The following SCNN1B variants were observed in gnomAD, a reference collection of about 807,000 sequenced individuals.
The protein encoded by SCNN1B is sodium channel epithelial 1 subunit beta, also known as epithelial sodium channel subunit beta.
In SCNN1B, 46 loss-of-function variants were observed where a neutral mutation model predicts 65.3. That is an observed-to-expected ratio of 0.70 (90% CI 0.56 to 0.90). The LOEUF is 0.90. SCNN1B is among the 40% of genes least tolerant of loss of function. The pLI is 0.00. For missense variants in SCNN1B, 751 were observed against 830.5 expected (o/e 0.90, Z 1.18); for synonymous variants, 349 against 330.6 (o/e 1.06, Z -0.60).
intron 2 of SCNN1B, among the ~76,000 whole-genome samples, chr16:23,349,149 C>G (rs1479655405): frequency 6.6e-6 from 1 of 151,284 alleles, no homozygotes; most frequent in Non-Finnish European, 1.5e-5. Context: ...CTCTGTCTTT[C>G]CATTTGCCTT....
intron 4 of SCNN1B, among the ~76,000 whole-genome samples, chr16:23,363,503 G>A (rs572727297): frequency 6.6e-6 from 1 of 152,308 alleles, no homozygotes; most frequent in South Asian, 2.1e-4. Flanking sequence ...ACAGCTAAGT[G>A]AGCAATTAAA....
intron 2 of SCNN1B, among the ~76,000 whole-genome samples, chr16:23,296,926 G>C (rs1043397558): frequency 6.6e-6 from 1 of 150,388 alleles, no homozygotes; most frequent in African/African-American, 2.5e-5. Context: ...GGCAGAGGTT[G>C]CAGTGAGCCC....
chr16:23,289,473 C>T (rs1960893201), intron 2 of SCNN1B, among the ~76,000 whole-genome samples: 1 of 151,934 alleles, frequency 6.6e-6, no homozygotes, highest in African/African-American at 2.4e-5. Flanking sequence ...ATCGATTAAG[C>T]CCAGGAGTTT....
In SCNN1B at chr16:23,379,955, G is replaced by A. The variant is rs901797026; in HGVS notation, c.1467-139G>A. ...GCCTTCCTGTGTGCATGTGTGCACG[G>A]GTGTGTGGGTACATGTGTGTGCATA... is the stretch of plus-strand genomic sequence containing the variant. On this transcript the variant is annotated intron_variant, in intron 11 of 12. Coordinates refer to ENST00000343070, the MANE Select transcript of SCNN1B (RefSeq NM_000336.3). 5 of 752,262 alleles carry A rather than the reference G, an allele frequency of 6.6e-6. No individual in the cohort carries two copies. The African/African-American group carries it at 6.8e-5, about 10-fold the overall frequency. The allele number at this position is 752,262 out of a possible 1,614,324, so 46.6% of individuals were successfully genotyped here.
chr16:23,333,147 AAAGAAGGAAG>A (rs1567300532), intron 1 of SCNN1B, among the ~76,000 whole-genome samples: 33 of 109,234 alleles, frequency 3.0e-4, no homozygotes, highest in Non-Finnish European at 2.2e-4. Context: ...GGAAGGAAGG[AAAGAAGGAAG>A]GAAGGAAGGA....
At chr16:23,379,072 C>T (rs1962976030) in intron 11 of SCNN1B, among the ~76,000 whole-genome samples, 1 of 149,540 alleles carries the variant, frequency 6.7e-6, no homozygotes, top group South Asian at 2.1e-4. Flanking sequence ...CCTCCATTCT[C>T]CCACCCAGCC....
At chr16:23,293,142 A>AAAAAAAAAT (rs1960950950) in intron 2 of SCNN1B, among the ~76,000 whole-genome samples, 3 of 147,756 alleles carry the variant, frequency 2.0e-5, no homozygotes, top group Admixed American at 6.7e-5. Context: ...AAAAAAAAAA[A>AAAAAAAAAT]GTGAGACTTA....
chr16:23,320,605 G>C (rs182552319), intron 1 of SCNN1B, among the ~76,000 whole-genome samples: 1 of 152,262 alleles, frequency 6.6e-6, no homozygotes, highest in African/African-American at 2.4e-5. Context: ...GACAGCAAAA[G>C]TTCTCGTCCA....
At chr16:23,281,545 CTGTCCCTGGTG>C (rs1425278450) in intron 1 of SCNN1B, among the ~76,000 whole-genome samples, 1 of 152,204 alleles carries the variant, frequency 6.6e-6, no homozygotes, top group East Asian at 1.9e-4. Flanking sequence ...AAGTCCCTGG[CTGTCCCTGGTG>C]GGGTCAGGTA....
At chr16:23,341,609 A>G (rs1962056538) in intron 1 of SCNN1B, among the ~76,000 whole-genome samples, 1 of 152,242 alleles carries the variant, frequency 6.6e-6, no homozygotes, top group Admixed American at 6.5e-5. Context: ...CAACTCAGTA[A>G]TAAAAAGATA....
At chr16:23,316,685 A>C (rs919914723) in intron 1 of SCNN1B, among the ~76,000 whole-genome samples, 18 of 150,044 alleles carry the variant, frequency 1.2e-4, no homozygotes, top group Non-Finnish European at 2.5e-4. Context: ...CACCATCACC[A>C]TCATCATCAA....
chr16:23,364,010 T>C lies in SCNN1B; in HGVS notation c.777-3846T>C, dbSNP rs548778026. 1.5e-4 allele frequency among the ~76,000 whole-genome samples: 23 copies of C among 151,458 alleles called. No homozygotes were observed. The East Asian group carries it at 3.9e-3, about 26-fold the overall frequency. ...GGTGAAACCCTGTCTCTACTAATAA[T>C]ACAAAAATTAGCCAGGCGTGGTGGC... On this transcript the variant is annotated intron_variant, in intron 4 of 12. Coordinates refer to ENST00000343070, the MANE Select transcript of SCNN1B (RefSeq NM_000336.3).
intron 1 of SCNN1B, among the ~76,000 whole-genome samples, chr16:23,302,843 T>C (rs980232540): frequency 1.3e-5 from 2 of 152,208 alleles, no homozygotes; most frequent in African/African-American, 4.8e-5. Context: ...CGACCTAACT[T>C]CGCTCACAGG....
chr16:23,298,467 G>C (rs1175325067), upstream of SCNN1B, among the ~76,000 whole-genome samples: 7 of 152,204 alleles, frequency 4.6e-5, no homozygotes, highest in African/African-American at 1.7e-4. Context: ...AGGTTATTCA[G>C]AGATAGCTAG....
At chr16:23,371,198 G>A in intron 5 of SCNN1B, 101 bp from the exon 6 acceptor site, 1 of 1,368,690 alleles carries the variant, frequency 7.3e-7, no homozygotes. Flanking sequence ...GGCGGTCCCT[G>A]GAGGTCCCCT....
intron 1 of SCNN1B, among the ~76,000 whole-genome samples, chr16:23,309,329 C>A (rs1038122360): frequency 6.6e-6 from 1 of 152,050 alleles, no homozygotes; most frequent in African/African-American, 2.4e-5. Context: ...TGCTCCCACC[C>A]CACTATAACT....
chr16:23,335,617 T>G (rs1230134569), intron 1 of SCNN1B, among the ~76,000 whole-genome samples: 1 of 151,928 alleles, frequency 6.6e-6, no homozygotes, highest in Non-Finnish European at 1.5e-5. Flanking sequence ...CAGCTAATAT[T>G]TGTATTTTTA....
chr16:23,318,253 GTGATTTGGGCAAATCACC>G (rs1455653451), intron 1 of SCNN1B, among the ~76,000 whole-genome samples: 1 of 152,196 alleles, frequency 6.6e-6, no homozygotes, highest in African/African-American at 2.4e-5. Context: ...CTCTCACTGT[GTGATTTGGGCAAATCACC>G]TGACCTCTCT....
At chr16:23,378,799 A>G (rs764046251) in intron 11 of SCNN1B, 32 bp downstream of exon 11, 1 of 1,607,948 alleles carries the variant, frequency 6.2e-7, no homozygotes, top group Non-Finnish European at 8.5e-7. Flanking sequence ...GCTGGGGAAG[A>G]CAGGGAAGGG....
Sources: gnomAD v4.1 joint callset for allele counts (sites outside exome capture counted in the v4.1 genomes callset) on GRCh38, gnomAD v4.1.1 for gene constraint, MANE v1.5 for transcripts, NCBI Gene and HGNC (gene_info 2026-07-23, HGNC 2026-07-21) for gene names.